Variants in GPR151 observed in about 807,000 individuals in gnomAD.
GPR151 encodes G-protein coupled receptor PGR7.
A neutral mutation model predicts 18.2 loss-of-function variants in GPR151; 16 were observed. The ratio of observed to expected loss-of-function variants is 0.88; its 90% CI spans 0.60 to 1.34. The LOEUF is 1.34. GPR151 is among the 40% of genes most tolerant of loss of function. The pLI is 0.00. For missense variants in GPR151, 509 were observed against 504.3 expected (o/e 1.01, Z -0.09); for synonymous variants, 202 against 191.2 (o/e 1.06, Z -0.47).
At position 146,515,760 on chromosome 5, in the gene GPR151, G is replaced by A. The variant is rs1581602940; in HGVS notation, c.354C>T (p.Ile118=). The part of the protein sequence containing the change: ...WFVCKSSDWF[I]HTCMAAKSLT... ...GGCTCTTGGCTGCCATGCATGTGTG[G>A]ATAAACCAGTCAGAGGACTTGCAGA... is the stretch of plus-strand genomic sequence containing the variant. Residue 118 remains isoleucine, a synonymous_variant, in exon 1 of 1, where the codon ATC becomes ATT. Transcript: ENST00000311104. 1.9e-6 allele frequency: 3 copies of A among 1,614,182 alleles called. No homozygotes were observed. Among genetic ancestry groups the A allele is most frequent in the Non-Finnish European group, 8.5e-7 (1 of 1,180,040 alleles).
Position 146,516,099 on chromosome 5 carries a change from G to C in GPR151, c.15C>G (p.Ala5=). 2 of 1,610,396 alleles carry C rather than the reference G, an allele frequency of 1.2e-6. No individual in the cohort carries two copies. Among genetic ancestry groups the C allele is most frequent in the South Asian group, 2.2e-5 (2 of 90,838 alleles). ...TGCTGCTGGAGTTAGAGTCTGCAAA[G>C]GCAGCTGCCAGCATCACTCTTCACA... The part of the protein sequence containing the change: MLAA[A]FADSNSSSMN... Residue 5 remains alanine, a synonymous_variant, in exon 1 of 1, where the codon GCC becomes GCG. Coordinates refer to ENST00000311104, the MANE Select transcript of GPR151 (RefSeq NM_194251.3).
Position 146,515,478 on chromosome 5 carries a change from G to A in GPR151, c.636C>T (p.Gly212=). The A allele has an allele frequency of 1.2e-6, 2 of 1,614,106 alleles. No individual in the cohort carries two copies. The highest frequency in any genetic ancestry group is 1.3e-5 in the African/African-American group (1 of 75,036). Residue 212 remains glycine (G), a synonymous_variant, in exon 1 of 1, where the codon GGC becomes GGT. Transcript: ENST00000311104. ...FGKLYPLLAF[G]LPLFFASFYF... ...AAAAGCTGGCAAAAAATAATGGAAGGCCAAATGCCAGGAGTGGGTAGAGCT... is the reference window on the plus strand; with the variant it reads ...AAAAGCTGGCAAAAAATAATGGAAGACCAAATGCCAGGAGTGGGTAGAGCT...
chr5:146,515,387 T>C lies in GPR151; in HGVS notation c.727A>G (p.Ile243Val). ...ATCACTGTGACTTGCTTTGAGCGTA[T>C]CTGGTTTCTAAGATTTTGAGTCTTA... is the stretch of plus-strand genomic sequence containing the variant. ...GTKTQNLRNQ[I>V]RSKQVTVMLL... Residue 243 changes from isoleucine to valine, a missense_variant, in exon 1 of 1, where the codon ATA (isoleucine) becomes GTA (valine). By Grantham distance (29) the Ile-to-Val change is conservative (BLOSUM62 3). Coordinates refer to ENST00000311104, the MANE Select transcript of GPR151 (RefSeq NM_194251.3). 1 of 1,614,172 alleles carries C rather than the reference T, an allele frequency of 6.2e-7. No individual in the cohort carries two copies. The highest frequency in any genetic ancestry group is 8.5e-7 in the Non-Finnish European group (1 of 1,180,036).
Position 146,514,581 on chromosome 5 carries a change from G to A in GPR151, c.*273C>T. ...CCCAGTAAAACCACTGTGAACAAAT[G>A]ACAGAATAGCCAGGCTGTCTAATCA... On this transcript the variant is annotated 3_prime_UTR_variant, in exon 1 of 1. Coordinates refer to ENST00000311104, the MANE Select transcript of GPR151 (RefSeq NM_194251.3). 1 of 362,448 alleles carries A rather than the reference G, an allele frequency of 2.8e-6. No homozygotes were observed. Among genetic ancestry groups the A allele is most frequent in the Non-Finnish European group, 4.9e-6 (1 of 202,230 alleles). The allele number at this position is 362,448 out of a possible 1,614,324, so 22.5% of individuals were successfully genotyped here. A position where few individuals can be genotyped will look rare whatever the true frequency, so the allele number is the denominator to read the frequency against.
chr5:146,514,728 G>A lies in GPR151; in HGVS notation c.*126C>T. 3.0e-6 allele frequency: 2 copies of A among 665,884 alleles called. No homozygotes were observed. Among genetic ancestry groups the A allele is most frequent in the Non-Finnish European group, 5.0e-6 (2 of 401,916 alleles). The allele number at this position is 665,884 out of a possible 1,614,324, so 41.2% of individuals were successfully genotyped here. ...CCACATTGCACATTTGGAAAGTGTA[G>A]ATTGTGAAATATTTTTATAATTCCT... On this transcript the variant is annotated 3_prime_UTR_variant, in exon 1 of 1. Transcript: ENST00000311104.
At position 146,513,803 on chromosome 5, in the gene GPR151, T is replaced by C. The variant is rs1263159676; in HGVS notation, c.*1051A>G. On this transcript the variant is annotated 3_prime_UTR_variant, in exon 1 of 1. Transcript: ENST00000311104. ...TTTCTCTTTTTGATATTAATCTCTT[T>C]CTCAGGTTGCTAGATTATTTTTATA... The C allele has an allele frequency of 6.6e-6, 1 of 152,196 alleles. No homozygotes were observed. Among genetic ancestry groups the C allele is most frequent in the Non-Finnish European group, 1.5e-5 (1 of 68,026 alleles). 9.4% of individuals were successfully genotyped at this position (152,196 alleles called of 1,614,324 possible).
Position 146,515,410 on chromosome 5 carries a change from T to G in GPR151, c.704A>C (p.Lys235Thr). ...AYDQCKKRGT[K>T]TQNLRNQIRS... ...TATCTGGTTTCTAAGATTTTGAGTCTTAGTTCCTCGTTTTTTACATTGGTC... is the reference window on the plus strand; with the variant it reads ...TATCTGGTTTCTAAGATTTTGAGTCGTAGTTCCTCGTTTTTTACATTGGTC... The change falls in exon 1 of 1, where the codon AAG becomes ACG. Residue 235 changes from lysine to threonine, a missense_variant. Physicochemically the swap from Lys to Thr is moderately conservative, Grantham distance 78 (BLOSUM62 -1). Coordinates refer to ENST00000311104, the MANE Select transcript of GPR151 (RefSeq NM_194251.3). 6.2e-7 allele frequency: 1 copy of G among 1,614,218 alleles called. No homozygotes were observed. The highest frequency in any genetic ancestry group is 8.5e-7 in the Non-Finnish European group (1 of 1,180,042).
chr5:146,515,337 A>G lies in GPR151; in HGVS notation c.777T>C (p.Ser259=), dbSNP rs760775546. The G allele has an allele frequency of 2.5e-6, 4 of 1,614,238 alleles. No individual in the cohort carries two copies. The highest frequency in any genetic ancestry group is 3.3e-5 in the Admixed American group (2 of 60,026). Residue 259 remains serine (S), a synonymous_variant, in exon 1 of 1, where the codon TCT becomes TCC. Transcript: ENST00000311104. ...CCCATTCGGGGAGCCACAAGAGAGC[A>G]GAGATGATGGCAATGCTCAGCAGCA... ...TVMLLSIAII[S]ALLWLPEWVA...
In GPR151 at chr5:146,515,192, C is replaced by G; in HGVS notation, c.922G>C (p.Val308Leu). ...ISSANPLIFL[V>L]MSEEFREGLK... Reference sequence around the variant, plus strand: ...CCTTCCCTGAACTCTTCCGACATCACAAGAAAAATGAGAGGATTTGCTGAA... The same window carrying G: ...CCTTCCCTGAACTCTTCCGACATCAGAAGAAAAATGAGAGGATTTGCTGAA... Residue 308 changes from valine (V) to leucine (L), a missense_variant, in exon 1 of 1, where the codon GTG becomes CTG. By Grantham distance (32) the Val-to-Leu change is conservative. Transcript: ENST00000311104. 6.2e-7 allele frequency: 1 copy of G among 1,614,020 alleles called. No individual in the cohort carries two copies. The highest frequency in any genetic ancestry group is 8.5e-7 in the Non-Finnish European group (1 of 1,180,002).
chr5:146,516,186 G>A lies in GPR151; in HGVS notation c.-73C>T. ...CTTTCTGCCTGGGCTCTTTTGCATA[G>A]GAAATAAGTACTCTGTCGTCAGTGT... On this transcript the variant is annotated 5_prime_UTR_variant, in exon 1 of 1. Coordinates refer to ENST00000311104, the MANE Select transcript of GPR151 (RefSeq NM_194251.3). 2 of 1,373,526 alleles carry A rather than the reference G, an allele frequency of 1.5e-6. 1 individual carries two copies. Among genetic ancestry groups the A allele is most frequent in the South Asian group, 2.7e-5 (2 of 73,026 alleles). The allele number at this position is 1,373,526 out of a possible 1,614,324, so 85.1% of individuals were successfully genotyped here.
chr5:146,515,684 C>G lies in GPR151; in HGVS notation c.430G>C (p.Ala144Pro). The G allele has an allele frequency of 6.2e-7, 1 of 1,614,188 alleles. No individual in the cohort carries two copies. Among genetic ancestry groups the G allele is most frequent in the Non-Finnish European group, 8.5e-7 (1 of 1,180,042 alleles). The change falls in exon 1 of 1, where the codon GCC becomes CCC. Residue 144 changes from alanine (A) to proline (P), a missense_variant. Coordinates refer to ENST00000311104, the MANE Select transcript of GPR151 (RefSeq NM_194251.3). ...KVCFMYASDP[A>P]KQVSIHNYTI... is the part of the protein sequence containing the mutation. The stretch of plus-strand genomic sequence containing the variant: ...TAGTTGTGGATACTCACTTGCTTGG[C>G]TGGGTCACTTGCATACATGAAGCAT...
Position 146,514,944 on chromosome 5 carries a change from C to T in GPR151, c.1170G>A (p.Trp390Ter). Reference sequence around the variant, plus strand: ...CAGAAGGGACTGTGTCCCTCTCATGCCAAAACTGCTCTACGTCAGGAAGGA... The same window carrying T: ...CAGAAGGGACTGTGTCCCTCTCATGTCAAAACTGCTCTACGTCAGGAAGGA... ...IPILPDVEQF[W>*]HERDTVPSVQ... is the part of the protein sequence containing the mutation. Residue 390 changes from tryptophan (W) to a stop codon, truncating the protein, a stop_gained, in exon 1 of 1, where the codon TGG (tryptophan) becomes TGA (stop). Coordinates refer to ENST00000311104, the MANE Select transcript of GPR151 (RefSeq NM_194251.3). LOFTEE classifies it high-confidence loss of function. 6.2e-7 allele frequency: 1 copy of T among 1,614,046 alleles called. No individual in the cohort carries two copies. Among genetic ancestry groups the T allele is most frequent in the Non-Finnish European group, 8.5e-7 (1 of 1,179,922 alleles).
Position 146,514,394 on chromosome 5 carries a change from A to C in GPR151, c.*460T>G, listed in dbSNP as rs1768565213. The stretch of plus-strand genomic sequence containing the variant: ...TATCATTAATGTGTTAAAAATCTCA[A>C]GTGAAAGTAGATTTTGAGCTTTGGT... On this transcript the variant is annotated 3_prime_UTR_variant, in exon 1 of 1. Transcript: ENST00000311104. The C allele has an allele frequency of 6.5e-6, 1 of 155,038 alleles. No individual in the cohort carries two copies. The highest frequency in any genetic ancestry group is 6.4e-5 in the Admixed American group (1 of 15,646). The allele number at this position is 155,038 out of a possible 1,614,324, so 9.6% of individuals were successfully genotyped here.
rs748971610 is a variant in GPR151, at chr5:146,515,318, C to T, written c.796G>A (p.Glu266Lys). The part of the protein sequence containing the change: ...AIISALLWLP[E>K]WVAWLWVWHL... ...CATACCCACAGCCAAGCTACCCATT[C>T]GGGGAGCCACAAGAGAGCAGAGATG... Residue 266 changes from glutamate (E) to lysine (K), a missense_variant, in exon 1 of 1, where the codon GAA (glutamate) becomes AAA (lysine). By Grantham distance (56) the Glu-to-Lys change is moderately conservative. Transcript: ENST00000311104. 139 of 1,614,134 alleles carry T rather than the reference C, an allele frequency of 8.6e-5. No individual in the cohort carries two copies. The highest frequency in any genetic ancestry group is 1.8e-4 in the South Asian group (16 of 91,082).
rs566921621 is a variant in GPR151 at position 146,513,471 on chromosome 5, C to T, written c.*1383G>A. 2 of 152,212 alleles carry T rather than the reference C, an allele frequency of 1.3e-5. No homozygotes were observed. Among genetic ancestry groups the T allele is most frequent in the South Asian group, 4.1e-4 (2 of 4,832 alleles). 9.4% of individuals were successfully genotyped at this position (152,212 alleles called of 1,614,324 possible). On this transcript the variant is annotated 3_prime_UTR_variant, in exon 1 of 1. Transcript: ENST00000311104. ...TTTCCATAACATATCCTTTATATTT[C>T]AGATTCTCCATGGCTTGGTTTGCCC...
In GPR151 at chr5:146,514,707, A is replaced by G. The variant is rs905920251; in HGVS notation, c.*147T>C. The G allele has an allele frequency of 4.9e-6, 3 of 606,938 alleles. No individual in the cohort carries two copies. In the African/African-American group the frequency reaches 5.5e-5, roughly 11 times the overall value. 37.6% of individuals were successfully genotyped at this position (606,938 alleles called of 1,614,324 possible). A position where few individuals can be genotyped will look rare whatever the true frequency, so the allele number is the denominator to read the frequency against. On this transcript the variant is annotated 3_prime_UTR_variant, in exon 1 of 1. Coordinates refer to ENST00000311104, the MANE Select transcript of GPR151 (RefSeq NM_194251.3). ...TCTAACATGGTTCTCTACTTACCAC[A>G]TTGCACATTTGGAAAGTGTAGATTG...
Position 146,515,172 on chromosome 5 carries a change from C to G in GPR151, c.942G>C (p.Arg314Ser), listed in dbSNP as rs981766282. Reference protein sequence around the residue: ...LIFLVMSEEFREGLKGVWKWM... With the variant: ...LIFLVMSEEFSEGLKGVWKWM... ...ATTTCCATACACCTTTCAAGCCTTCCCTGAACTCTTCCGACATCACAAGAA... is the reference window on the plus strand; with the variant it reads ...ATTTCCATACACCTTTCAAGCCTTCGCTGAACTCTTCCGACATCACAAGAA... The change falls in exon 1 of 1, where the codon AGG (arginine) becomes AGC (serine). Residue 314 changes from arginine (R) to serine (S), a missense_variant. By Grantham distance (110) the Arg-to-Ser change is moderately radical. Transcript: ENST00000311104. 32 of 1,613,954 alleles carry G rather than the reference C, an allele frequency of 2.0e-5. No individual in the cohort carries two copies. In the East Asian group the frequency reaches 7.1e-4, roughly 36 times the overall value.
Position 146,514,126 on chromosome 5 carries a change from C to A in GPR151, c.*728G>T, listed in dbSNP as rs1053319713. The A allele has an allele frequency of 1.3e-5, 2 of 152,188 alleles. No homozygotes were observed. Among genetic ancestry groups the A allele is most frequent in the African/African-American group, 4.8e-5 (2 of 41,442 alleles). The allele number at this position is 152,188 out of a possible 1,614,324, so 9.4% of individuals were successfully genotyped here. A position where few individuals can be genotyped will look rare whatever the true frequency, so the allele number is the denominator to read the frequency against. On this transcript the variant is annotated 3_prime_UTR_variant, in exon 1 of 1. Transcript: ENST00000311104. ...ACTGAATGTCATTGGAAAGCTGCTA[C>A]AATTCTTAGACTTAGAAACTGAAGA...
chr5:146,515,327 A>G lies in GPR151; in HGVS notation c.787T>C (p.Trp263Arg), dbSNP rs746353053. Residue 263 changes from tryptophan to arginine, a missense_variant, in exon 1 of 1, where the codon TGG becomes CGG. Transcript: ENST00000311104. ...AGCCAAGCTACCCATTCGGGGAGCCACAAGAGAGCAGAGATGATGGCAATG... is the reference window on the plus strand; with the variant it reads ...AGCCAAGCTACCCATTCGGGGAGCCGCAAGAGAGCAGAGATGATGGCAATG... ...LSIAIISALL[W>R]LPEWVAWLWV... is the part of the protein sequence containing the mutation. 2 of 1,614,198 alleles carry G rather than the reference A, an allele frequency of 1.2e-6. No individual in the cohort carries two copies. Among genetic ancestry groups the G allele is most frequent in the African/African-American group, 1.3e-5 (1 of 75,054 alleles).
Sources: allele counts gnomAD v4.1 joint callset, GRCh38; gene constraint gnomAD v4.1.1; transcripts MANE v1.5; gene names NCBI Gene and HGNC (gene_info 2026-07-23, HGNC 2026-07-21).